JARID2: variants seen among roughly 807,000 people sequenced by gnomAD.
JARID2 encodes the protein protein Jumonji.
A neutral mutation model predicts 125.6 loss-of-function variants in JARID2; 21 were observed. The observed-to-expected ratio is 0.17, with a 90% CI of 0.12 to 0.24. JARID2 has a LOEUF of 0.24. JARID2 is among the 10% of genes least tolerant of loss of function. The probability of loss-of-function intolerance (pLI) is 1.00; values close to 1 mark genes in which losing one functional copy is unlikely to be tolerated. For synonymous variants in JARID2, 736 were observed against 661.6 expected, an observed-to-expected ratio of 1.11 and a Z score of -1.73; for missense variants, 1,303 against 1,639.6, an observed-to-expected ratio of 0.79 and a Z score of 3.55.
Position 15,286,128 on chromosome 6 carries a change from C to G in JARID2, c.45+39544C>G, listed in dbSNP as rs1430528937. On this transcript the variant is annotated intron_variant, in intron 1 of 17. Coordinates refer to ENST00000341776, the MANE Select transcript of JARID2 (RefSeq NM_004973.4). ...CCATCTACAAGCCAATTGCTTGACTCTCCTTTGGGTGAGTGGCTAAGTAAG... is the reference window on the plus strand; with the variant it reads ...CCATCTACAAGCCAATTGCTTGACTGTCCTTTGGGTGAGTGGCTAAGTAAG... 2.6e-5 allele frequency among the ~76,000 whole-genome samples: 4 copies of G among 152,160 alleles called. No homozygotes were observed. In the East Asian group the frequency reaches 5.8e-4, roughly 22 times the overall value.
At chr6:15,350,516 T>C (rs1169136442) in intron 1 of JARID2, among the ~76,000 whole-genome samples, 1 of 152,196 alleles carries the variant, frequency 6.6e-6, no homozygotes, top group Non-Finnish European at 1.5e-5. Flanking sequence ...CAAGATGTGC[T>C]CGGTATTCAC....
chr6:15,255,138 CTTTTTTT>C (rs753848936), intron 1 of JARID2, among the ~76,000 whole-genome samples: 5 of 121,194 alleles, frequency 4.1e-5, no homozygotes, highest in African/African-American at 3.0e-5. Flanking sequence ...ACTAGGAATT[CTTTTTTT>C]TTTTTTTTTT....
intron 4 of JARID2, among the ~76,000 whole-genome samples, chr6:15,467,590 C>G (rs1768803363): frequency 6.6e-6 from 1 of 151,538 alleles, no homozygotes; most frequent in African/African-American, 2.4e-5. Context: ...GCCTGCAGTC[C>G]CAGCACTTTG....
At chr6:15,473,516 C>G (rs182236043) in intron 5 of JARID2, among the ~76,000 whole-genome samples, 1 of 13,154 alleles carries the variant, frequency 7.6e-5, no homozygotes. Context: ...ATGTGCGTGC[C>G]CCCCCCCCCC....
At chr6:15,448,982 GA>G (rs1279985365) in intron 3 of JARID2, among the ~76,000 whole-genome samples, 1 of 151,072 alleles carries the variant, frequency 6.6e-6, no homozygotes, top group Non-Finnish European at 1.5e-5. Flanking sequence ...AAAAAAAAAA[GA>G]CATTTGTAAC....
chr6:15,345,279 A>T (rs1763206525), intron 1 of JARID2, among the ~76,000 whole-genome samples: 1 of 152,224 alleles, frequency 6.6e-6, no homozygotes, highest in South Asian at 2.1e-4. Context: ...AGGGATGTGT[A>T]CCTGAATCTC....
intron 4 of JARID2, among the ~76,000 whole-genome samples, chr6:15,460,427 T>C (rs1002896556): frequency 5.9e-5 from 9 of 152,194 alleles, no homozygotes. Context: ...GGCCTTCTCC[T>C]TACTTTCTAG....
chr6:15,488,277 C>T (rs1436928930), intron 6 of JARID2, among the ~76,000 whole-genome samples: 1 of 152,230 alleles, frequency 6.6e-6, no homozygotes. Context: ...ATTGATTTCT[C>T]ACAACCCTAG....
At chr6:15,297,521 T>C (rs1228132015) in intron 1 of JARID2, among the ~76,000 whole-genome samples, 3 of 151,706 alleles carry the variant, frequency 2.0e-5, no homozygotes, top group Admixed American at 1.3e-4. Flanking sequence ...AGTGTTTTTT[T>C]GTATGGATGG....
rs370825768 is a variant in JARID2, at chr6:15,260,789, A to T, written c.45+14205A>T. Reference sequence around the variant, plus strand: ...AAGCATTGGGAGGTGGGGAGGATAGATTTCACTTGGAAATACCTGAAGCTA... The same window carrying T: ...AAGCATTGGGAGGTGGGGAGGATAGTTTTCACTTGGAAATACCTGAAGCTA... On this transcript the variant is annotated intron_variant, in intron 1 of 17. Coordinates refer to ENST00000341776, the MANE Select transcript of JARID2 (RefSeq NM_004973.4). 2.0e-5 allele frequency among the ~76,000 whole-genome samples: 3 copies of T among 152,264 alleles called. 1 individual carries two copies. The highest frequency in any genetic ancestry group is 7.2e-5 in the African/African-American group (3 of 41,534).
chr6:15,506,511 C>T (rs1025672031), intron 9 of JARID2, among the ~76,000 whole-genome samples: 1 of 152,146 alleles, frequency 6.6e-6, no homozygotes, highest in Non-Finnish European at 1.5e-5. Flanking sequence ...AATGTGGTTC[C>T]AGCTTTACCA....
intron 2 of JARID2, among the ~76,000 whole-genome samples, chr6:15,386,486 A>G (rs1764792891): frequency 6.6e-6 from 1 of 151,992 alleles, no homozygotes; most frequent in Non-Finnish European, 1.5e-5. Flanking sequence ...TACAGTTGAC[A>G]TGTTTGTTTG....
chr6:15,285,101 T>C (rs57649905), intron 1 of JARID2, among the ~76,000 whole-genome samples: 6,201 of 145,454 alleles, frequency 0.043, 529 homozygotes, highest in African/African-American at 0.16. Context: ...TGTGAGTCTT[T>C]CTGGGTTTTT....
intron 1 of JARID2, among the ~76,000 whole-genome samples, chr6:15,291,844 C>T (rs891779935): frequency 6.6e-6 from 1 of 152,062 alleles, no homozygotes; most frequent in Non-Finnish European, 1.5e-5. Flanking sequence ...TATTTTTGTA[C>T]TCCTACTGTA....
At chr6:15,264,473 T>C (rs1760002848) in intron 1 of JARID2, among the ~76,000 whole-genome samples, 1 of 152,180 alleles carries the variant, frequency 6.6e-6, no homozygotes, top group Non-Finnish European at 1.5e-5. Flanking sequence ...CTGTTCCAAA[T>C]TGACTCCTGT....
chr6:15,501,517 G>C, intron 8 of JARID2, 108 bp downstream of exon 8: 1 of 1,066,674 alleles, frequency 9.4e-7, no homozygotes, highest in Non-Finnish European at 1.3e-6. Flanking sequence ...GATTCCCTGG[G>C]GTGATGAGGG....
chr6:15,481,394 TA>T (rs1258420308), intron 5 of JARID2, among the ~76,000 whole-genome samples: 3 of 152,246 alleles, frequency 2.0e-5, no homozygotes, highest in Non-Finnish European at 4.4e-5. Context: ...AGGACTTCTA[TA>T]CATTGAACTT....
chr6:15,262,745 C>T lies in JARID2; in HGVS notation c.45+16161C>T, dbSNP rs192033996. 1.7e-3 allele frequency among the ~76,000 whole-genome samples: 262 copies of T among 152,008 alleles called. 1 individual carries two copies. The highest frequency in any genetic ancestry group is 0.01 in the Middle Eastern group (3 of 294). On this transcript the variant is annotated intron_variant, in intron 1 of 17. Coordinates refer to ENST00000341776, the MANE Select transcript of JARID2 (RefSeq NM_004973.4). ...TAGAGACGGGGTTTCACCACGATGG[C>T]CAGGCTAGTCTTGAACTCATGATCC... is the stretch of plus-strand genomic sequence containing the variant.
chr6:15,382,424 C>G (rs1213868503), intron 2 of JARID2, among the ~76,000 whole-genome samples: 5 of 152,062 alleles, frequency 3.3e-5, no homozygotes. Flanking sequence ...TGAGCAAGAC[C>G]TTGGGGTGGC....
Sources: gnomAD v4.1 joint callset for allele counts (sites outside exome capture counted in the v4.1 genomes callset) on GRCh38, gnomAD v4.1.1 for gene constraint, MANE v1.5 for transcripts, NCBI Gene and HGNC (gene_info 2026-07-23, HGNC 2026-07-21) for gene names.